Variants in ATG10 observed in about 807,000 individuals in gnomAD.
ATG10 encodes the protein ubiquitin-like-conjugating enzyme ATG10.
In ATG10, 30 loss-of-function variants were observed where a neutral mutation model predicts 32.1. The observed-to-expected ratio is 0.94, with a 90% CI of 0.70 to 1.27. The LOEUF is 1.27. Among genes scored for constraint, ATG10 ranks in the 50% most tolerant of loss-of-function variants. The pLI is 0.00. For synonymous variants in ATG10, 87 were observed against 91.5 expected (o/e 0.95, Z 0.28); for missense variants, 233 against 262.3 (o/e 0.89, Z 0.77).
At position 82,034,020 on chromosome 5, in the gene ATG10, T is replaced by C. The variant is rs185442925; in HGVS notation, c.109-24475T>C. Reference sequence around the variant, plus strand: ...TATATGTATATATGTACTATATATATACATATATAAAATATACACTATATA... The same window carrying C: ...TATATGTATATATGTACTATATATACACATATATAAAATATACACTATATA... On this transcript the variant is annotated intron_variant, in intron 2 of 7. Transcript: ENST00000282185. Among the ~76,000 whole-genome samples the C allele has an allele frequency of 3.5e-3, 514 of 148,348 alleles. 3 individuals are homozygous for C. Among genetic ancestry groups the C allele is most frequent in the African/African-American group, 7.9e-3 (324 of 40,826 alleles).
chr5:82,117,600 G>C (rs324906), intron 3 of ATG10, among the ~76,000 whole-genome samples: 150,014 of 152,238 alleles, frequency 0.99, 73,943 homozygotes, highest in Middle Eastern at 1. Context: ...TTGTAACTAC[G>C]CCGTCCTTGA....
chr5:82,164,649 A>C (rs1743507285), intron 4 of ATG10, 112 bp downstream of exon 4: 2 of 1,077,038 alleles, frequency 1.9e-6, no homozygotes, highest in African/African-American at 3.2e-5. Context: ...AAAATGAGAA[A>C]ACTGTGGGTG....
chr5:82,000,925 G>A (rs1231939194), intron 2 of ATG10, among the ~76,000 whole-genome samples: 1 of 152,080 alleles, frequency 6.6e-6, no homozygotes, highest in Non-Finnish European at 1.5e-5. Flanking sequence ...CCAAAATGCT[G>A]GAATTACAGG....
chr5:82,184,905 G>A (rs1342148715), intron 5 of ATG10, among the ~76,000 whole-genome samples: 1 of 152,168 alleles, frequency 6.6e-6, no homozygotes, highest in Non-Finnish European at 1.5e-5. Context: ...TCAGGTGGCT[G>A]TCTGCAGTCC....
At chr5:82,137,876 C>A (rs75809989) in intron 3 of ATG10, among the ~76,000 whole-genome samples, 1 of 152,188 alleles carries the variant, frequency 6.6e-6, no homozygotes, top group Non-Finnish European at 1.5e-5. Context: ...CTCTAAGCCC[C>A]TCACTGGGCT....
intron 3 of ATG10, among the ~76,000 whole-genome samples, chr5:82,079,294 G>A (rs1487303204): frequency 1.3e-5 from 2 of 152,036 alleles, no homozygotes; most frequent in South Asian, 2.1e-4. Context: ...CATGGCAGAA[G>A]GCAAGGGGAA....
At chr5:82,111,771 A>T (rs1472943917) in intron 3 of ATG10, among the ~76,000 whole-genome samples, 1 of 151,990 alleles carries the variant, frequency 6.6e-6, no homozygotes, top group African/African-American at 2.4e-5. Flanking sequence ...TGAAGGGATG[A>T]TCTGTAAGTT....
intron 2 of ATG10, among the ~76,000 whole-genome samples, chr5:82,051,004 C>T (rs1261052769): frequency 1.3e-5 from 2 of 152,066 alleles, no homozygotes; most frequent in African/African-American, 2.4e-5. Context: ...GAGTAAGACC[C>T]TATCTGTTAA....
At chr5:81,986,672 A>G (rs1227762295) in intron 1 of ATG10, among the ~76,000 whole-genome samples, 2 of 152,104 alleles carry the variant, frequency 1.3e-5, no homozygotes, top group Non-Finnish European at 2.9e-5. Context: ...TGCAGTTTAT[A>G]TGATTTTAAT....
At chr5:82,171,411 T>A (rs963161418) in intron 4 of ATG10, among the ~76,000 whole-genome samples, 6 of 152,242 alleles carry the variant, frequency 3.9e-5, no homozygotes, top group Non-Finnish European at 5.9e-5. Flanking sequence ...AAAATATTTA[T>A]TAAGCAAGAC....
At chr5:82,099,008 G>T (rs942045157) in intron 3 of ATG10, among the ~76,000 whole-genome samples, 2 of 152,120 alleles carry the variant, frequency 1.3e-5, no homozygotes, top group Non-Finnish European at 2.9e-5. Context: ...TGAACCAAAA[G>T]CTAGACAAAA....
rs778772048 is a variant in ATG10 at position 82,058,497 on chromosome 5, C to A, written c.111C>A (p.Asp37Glu). ...GDSWEWRPSK[D>E]CSDGYMCKIH... ...TATTTTTTGGTGATGAAACACAGGACTGTTCTGATGGCTACATGTGCAAAA... is the reference window on the plus strand; with the variant it reads ...TATTTTTTGGTGATGAAACACAGGAATGTTCTGATGGCTACATGTGCAAAA... The change falls in exon 3 of 8, where the codon GAC (aspartate) becomes GAA (glutamate). Residue 37 changes from aspartate (D) to glutamate (E), a missense_variant and splice_region_variant. By Grantham distance (45) the Asp-to-Glu change is conservative. Transcript: ENST00000282185. 3.1e-6 allele frequency: 5 copies of A among 1,609,832 alleles called. No individual in the cohort carries two copies. The South Asian group carries it at 3.3e-5, about 11-fold the overall frequency.
intron 3 of ATG10, among the ~76,000 whole-genome samples, chr5:82,096,839 T>G (rs544553261): frequency 2.0e-5 from 3 of 152,334 alleles, no homozygotes; most frequent in African/African-American, 7.2e-5. Context: ...CTGCCACCTC[T>G]CCACTGCCCC....
At chr5:82,040,111 A>G (rs1040780076) in intron 2 of ATG10, among the ~76,000 whole-genome samples, 1 of 152,182 alleles carries the variant, frequency 6.6e-6, no homozygotes, top group Non-Finnish European at 1.5e-5. Context: ...CTTTAAGGCT[A>G]GGCCTGGAAC....
At chr5:82,073,856 T>C (rs553622555) in intron 3 of ATG10, among the ~76,000 whole-genome samples, 18 of 152,330 alleles carry the variant, frequency 1.2e-4, no homozygotes, top group African/African-American at 4.3e-4. Context: ...TTTACAAATG[T>C]TCACTTTTAT....
chr5:82,118,387 C>CATATATGTATATATATATATATATAT (rs1765904294), intron 3 of ATG10, among the ~76,000 whole-genome samples: 1 of 80,734 alleles, frequency 1.2e-5, no homozygotes, highest in Non-Finnish European at 2.5e-5. Flanking sequence ...AATATATGTA[C>CATATATGTATATATATATATATATAT]ATATATATAT....
intron 2 of ATG10, among the ~76,000 whole-genome samples, chr5:82,045,757 G>C (rs990218221): frequency 3.3e-5 from 5 of 152,062 alleles, no homozygotes; most frequent in Admixed American, 2.6e-4. Context: ...AAAAGGCTGA[G>C]TGGATTCTAT....
chr5:82,136,624 G>A (rs544692009), intron 3 of ATG10, among the ~76,000 whole-genome samples: 1 of 151,872 alleles, frequency 6.6e-6, no homozygotes, highest in African/African-American at 2.4e-5. Context: ...TCCCTTTGTG[G>A]GTACCCTGGC....
chr5:82,173,905 C>T (rs916386285), intron 4 of ATG10, among the ~76,000 whole-genome samples: 3 of 151,988 alleles, frequency 2.0e-5, no homozygotes, highest in East Asian at 3.9e-4. Context: ...TATTTATGTC[C>T]GTGTTTTAAG....
Sources: gnomAD v4.1 joint callset for allele counts (sites outside exome capture counted in the v4.1 genomes callset) on GRCh38, gnomAD v4.1.1 for gene constraint, MANE v1.5 for transcripts, NCBI Gene and HGNC (gene_info 2026-07-23, HGNC 2026-07-21) for gene names.